B3GALT1: variants seen among roughly 807,000 people sequenced by gnomAD.
The protein encoded by B3GALT1 is beta-1,3-galactosyltransferase 1.
Under a neutral mutation model 23.2 loss-of-function variants are expected in B3GALT1, and 10 were observed. The observed-to-expected ratio is 0.43, with a 90% CI of 0.27 to 0.73. The LOEUF is 0.73. Among genes scored for constraint, B3GALT1 ranks in the 30% least tolerant of loss-of-function variants. The probability of loss-of-function intolerance (pLI) is 0.21; values close to 1 mark genes in which losing one functional copy is unlikely to be tolerated. For synonymous variants in B3GALT1, 156 were observed against 141.5 expected, an observed-to-expected ratio of 1.10 and a Z score of -0.73; for missense variants, 299 against 405.4, an observed-to-expected ratio of 0.74 and a Z score of 2.25.
At chr2:167,473,380 G>A (rs1260959899) in intron 1 of B3GALT1, among the ~76,000 whole-genome samples, 1 of 152,034 alleles carries the variant, frequency 6.6e-6, no homozygotes, top group Non-Finnish European at 1.5e-5. Context: ...ATCTCAGAAA[G>A]GTCACTTTCT....
chr2:167,716,707 A>T (rs1234112060), intron 3 of B3GALT1, among the ~76,000 whole-genome samples: 1 of 152,080 alleles, frequency 6.6e-6, no homozygotes, highest in African/African-American at 2.4e-5. Flanking sequence ...TAAGCCTGAC[A>T]TTTTTTGTTT....
chr2:167,720,671 A>G (rs1687216973), intron 3 of B3GALT1, among the ~76,000 whole-genome samples: 2 of 152,338 alleles, frequency 1.3e-5, no homozygotes, highest in South Asian at 4.1e-4. Flanking sequence ...ATATATGCCA[A>G]TGCTGTTGAA....
chr2:167,855,188 T>C (rs1689976278), intron 4 of B3GALT1, among the ~76,000 whole-genome samples: 1 of 152,174 alleles, frequency 6.6e-6, no homozygotes, highest in African/African-American at 2.4e-5. Flanking sequence ...GCAGCTGGAC[T>C]ACATTTTCCC....
chr2:167,330,404 T>A (rs568906311), intron 1 of B3GALT1, among the ~76,000 whole-genome samples: 1 of 152,206 alleles, frequency 6.6e-6, no homozygotes, highest in African/African-American at 2.4e-5. Flanking sequence ...CCCAAAAGTG[T>A]GATATCAGCC....
chr2:167,852,499 TG>T (rs1689922353), intron 4 of B3GALT1, among the ~76,000 whole-genome samples: 1 of 151,824 alleles, frequency 6.6e-6, no homozygotes, highest in African/African-American at 2.4e-5. Context: ...TGTGTGTGTG[TG>T]TGTGTACGTG....
intron 2 of B3GALT1, among the ~76,000 whole-genome samples, chr2:167,533,223 A>G (rs932805528): frequency 1.3e-5 from 2 of 152,102 alleles, no homozygotes; most frequent in Non-Finnish European, 2.9e-5. Context: ...ACTAGCTAGG[A>G]TCTCCAGTGT....
intron 1 of B3GALT1, among the ~76,000 whole-genome samples, chr2:167,470,366 T>A (rs1204574136): frequency 6.6e-6 from 1 of 152,188 alleles, no homozygotes; most frequent in Non-Finnish European, 1.5e-5. Context: ...TATATTTTAG[T>A]CTTCCTTTTC....
chr2:167,638,136 TGAGCTCATGAATA>T (rs1685590497), intron 2 of B3GALT1, among the ~76,000 whole-genome samples: 1 of 152,032 alleles, frequency 6.6e-6, no homozygotes, highest in South Asian at 2.1e-4. Flanking sequence ...GCTATTGAAG[TGAGCTCATGAATA>T]GAGCAACCCA....
chr2:167,439,710 T>C (rs1698846786), intron 1 of B3GALT1, among the ~76,000 whole-genome samples: 1 of 152,172 alleles, frequency 6.6e-6, no homozygotes, highest in Non-Finnish European at 1.5e-5. Flanking sequence ...AATACAAATT[T>C]TGCTATTGAT....
intron 1 of B3GALT1, among the ~76,000 whole-genome samples, chr2:167,294,977 A>G (rs1267140597): frequency 1.3e-5 from 2 of 152,228 alleles, no homozygotes; most frequent in Non-Finnish European, 2.9e-5. Context: ...TAGAAATGCT[A>G]TAGAAAATCA....
At chr2:167,299,703 C>T (rs1369515895) in intron 1 of B3GALT1, among the ~76,000 whole-genome samples, 1 of 151,882 alleles carries the variant, frequency 6.6e-6, no homozygotes, top group African/African-American at 2.4e-5. Context: ...AAAAGATAAT[C>T]TTTAGCTGAC....
At chr2:167,639,670 C>G (rs941059463) in intron 2 of B3GALT1, among the ~76,000 whole-genome samples, 3 of 151,912 alleles carry the variant, frequency 2.0e-5, no homozygotes, top group Non-Finnish European at 4.4e-5. Context: ...TATACTCATG[C>G]AAATAAAGTA....
chr2:167,564,206 G>A (rs1458596020), intron 2 of B3GALT1, among the ~76,000 whole-genome samples: 3 of 150,280 alleles, frequency 2.0e-5, no homozygotes, highest in African/African-American at 7.4e-5. Context: ...GGGCAGAGAC[G>A]CTCCTCACAT....
At chr2:167,835,180 G>A (rs1035707832) in intron 4 of B3GALT1, among the ~76,000 whole-genome samples, 5 of 152,104 alleles carry the variant, frequency 3.3e-5, no homozygotes, top group Middle Eastern at 3.2e-3. Context: ...GACAGTGGGT[G>A]CAGGTTAGTG....
At chr2:167,725,006 A>G (rs1238286297) in intron 3 of B3GALT1, among the ~76,000 whole-genome samples, 1 of 152,214 alleles carries the variant, frequency 6.6e-6, no homozygotes, top group Non-Finnish European at 1.5e-5. Flanking sequence ...AATGACAATG[A>G]GACTCATTTG....
intron 4 of B3GALT1, among the ~76,000 whole-genome samples, chr2:167,860,354 G>GTTAA (rs1690074087): frequency 6.6e-6 from 1 of 152,114 alleles, no homozygotes; most frequent in Non-Finnish European, 1.5e-5. Context: ...AGCACAAATA[G>GTTAA]TTAACCCTTT....
rs538250866 is a variant in B3GALT1 at position 167,386,563 on chromosome 2, A to G, written c.-511+93229A>G. 1.3e-4 allele frequency among the ~76,000 whole-genome samples: 20 copies of G among 152,146 alleles called. No individual in the cohort carries two copies. In the South Asian group the frequency reaches 4.2e-3, roughly 32 times the overall value. On this transcript the variant is annotated intron_variant, in intron 1 of 4. Transcript: ENST00000392690. ...GGTATTGAAATTTTTTTTTTCTGAA[A>G]GTTTTTGAAGTAATGATGACATACT...
At chr2:167,586,240 A>G (rs565279109) in intron 2 of B3GALT1, among the ~76,000 whole-genome samples, 136 of 152,360 alleles carry the variant, frequency 8.9e-4, no homozygotes, top group African/African-American at 3.2e-3. Context: ...GGAAGCAGCA[A>G]TGTGCAAAGT....
chr2:167,646,028 G>A (rs1685743520), intron 2 of B3GALT1, among the ~76,000 whole-genome samples: 1 of 152,122 alleles, frequency 6.6e-6, no homozygotes, highest in African/African-American at 2.4e-5. Context: ...CTTTCCTGGT[G>A]TACAGTTTTC....
Sources: allele counts gnomAD v4.1 joint callset (sites outside exome capture counted in the v4.1 genomes callset), GRCh38; gene constraint gnomAD v4.1.1; transcripts MANE v1.5; gene names NCBI Gene and HGNC (gene_info 2026-07-23, HGNC 2026-07-21).